TEX14: variants seen among roughly 807,000 people sequenced by gnomAD.
TEX14 encodes the protein testis expressed 14, intercellular bridge forming factor.
Under a neutral mutation model 178.6 loss-of-function variants are expected in TEX14, and 168 were observed. That is an observed-to-expected ratio of 0.94 (90% CI 0.83 to 1.07). The LOEUF (loss-of-function observed/expected upper bound fraction) is 1.07. Among genes scored for constraint, TEX14 ranks in the 50% least tolerant of loss-of-function variants. The pLI is 0.00. For missense variants in TEX14, 1,730 were observed against 1,753.6 expected (o/e 0.99, Z 0.24); for synonymous variants, 626 against 634.1 (o/e 0.99, Z 0.19).
At chr17:58,587,833 G>A (rs905430267) in intron 16 of TEX14, 63 bp downstream of exon 16, 1 of 1,377,012 alleles carries the variant, frequency 7.3e-7, no homozygotes, top group African/African-American at 1.4e-5. Context: ...CACCAGCAGA[G>A]GGTGCCAGAA....
intron 1 of TEX14, among the ~76,000 whole-genome samples, chr17:58,653,480 G>T (rs1166186165): frequency 6.6e-6 from 1 of 152,174 alleles, no homozygotes; most frequent in Admixed American, 6.6e-5. Context: ...CAATATGGAG[G>T]TGTTGGGAGG....
intron 1 of TEX14, among the ~76,000 whole-genome samples, chr17:58,655,480 C>T (rs192641881): frequency 6.6e-6 from 1 of 152,230 alleles, no homozygotes; most frequent in Admixed American, 6.5e-5. Context: ...CCGCACCCGG[C>T]GACTAATGTT....
chr17:58,662,230 TAGG>T (rs1219867630), intron 1 of TEX14, among the ~76,000 whole-genome samples: 1 of 151,376 alleles, frequency 6.6e-6, no homozygotes, highest in Non-Finnish European at 1.5e-5. Context: ...GTGGGCGGAC[TAGG>T]AGGTCAGGAG....
intron 1 of TEX14, among the ~76,000 whole-genome samples, chr17:58,679,132 C>G (rs929895992): frequency 9.9e-5 from 15 of 151,864 alleles, no homozygotes; most frequent in African/African-American, 3.6e-4. Flanking sequence ...CCAGCCTGGG[C>G]TACAAGAGCG....
chr17:58,628,526 C>T (rs1478778850), intron 3 of TEX14, among the ~76,000 whole-genome samples: 1 of 152,132 alleles, frequency 6.6e-6, no homozygotes, highest in African/African-American at 2.4e-5. Flanking sequence ...TCCTAGCTAA[C>T]ACGGTGAAAC....
chr17:58,643,377 T>G (rs550707039), intron 2 of TEX14, among the ~76,000 whole-genome samples: 35 of 152,164 alleles, frequency 2.3e-4, no homozygotes, highest in Non-Finnish European at 4.9e-4. Context: ...CACAGATATC[T>G]CAAATACAGC....
chr17:58,605,068 A>AG lies in TEX14; in HGVS notation c.1245dup (p.Trp416LeufsTer32), dbSNP rs769101900. The AG allele has an allele frequency of 6.2e-7, 1 of 1,614,180 alleles. No individual in the cohort carries two copies. Among genetic ancestry groups the AG allele is most frequent in the Admixed American group, 1.7e-5 (1 of 60,018 alleles). On this transcript the variant is annotated frameshift_variant, in exon 11 of 32. Transcript: ENST00000349033. LOFTEE classifies it high-confidence loss of function. ...TGTAAGATCACTTCTGGTGCGGCCC[A>AG]GTTGTATAGCTGCGTAGGAAGGGGC...
intron 27 of TEX14, 82 bp downstream of exon 27, chr17:58,565,665 C>A: frequency 1.0e-6 from 1 of 992,104 alleles, no homozygotes; most frequent in South Asian, 1.5e-5. Context: ...ACCTCAAGGT[C>A]ACACTTCCCT....
intron 13 of TEX14, 38 bp downstream of exon 13, chr17:58,601,768 T>C (rs774892152): frequency 1.1e-5 from 17 of 1,594,592 alleles, no homozygotes; most frequent in Non-Finnish European, 1.7e-6. Context: ...AGAACACATT[T>C]GTGTCAAACT....
At chr17:58,592,296 C>G (rs1022730169) in intron 15 of TEX14, among the ~76,000 whole-genome samples, 1 of 150,606 alleles carries the variant, frequency 6.6e-6, no homozygotes, top group Non-Finnish European at 1.5e-5. Flanking sequence ...GTGGTGCCAT[C>G]TCAGCTCACT....
At chr17:58,564,378 T>C (rs1181791309) in intron 28 of TEX14, 1 of 152,286 alleles carries the variant, frequency 6.6e-6, no homozygotes, top group Non-Finnish European at 1.5e-5. Flanking sequence ...CAGATGAACT[T>C]TGAGGACATT....
chr17:58,667,365 T>G (rs540989731), intron 1 of TEX14, among the ~76,000 whole-genome samples: 1 of 152,332 alleles, frequency 6.6e-6, no homozygotes, highest in Non-Finnish European at 1.5e-5. Context: ...GGAGGAGTTT[T>G]TGTGAAGACT....
chr17:58,628,429 T>C (rs189034065), intron 3 of TEX14, among the ~76,000 whole-genome samples: 98 of 150,524 alleles, frequency 6.5e-4, no homozygotes, highest in African/African-American at 2.3e-3. Flanking sequence ...ATACAAAAAT[T>C]AGGCCGGGCG....
chr17:58,569,041 AAATTTTGGAAAACTGCC>A lies in TEX14; in HGVS notation c.3886+134_3886+150del. Reference sequence around the variant, plus strand: ...TTTTATTGCAAAACTGCCCCTTCCTAAATTTTGGAAAACTGCCCCTTCCTATATTCAACCAGGCCATC... The same window carrying A: ...TTTTATTGCAAAACTGCCCCTTCCTACCTTCCTATATTCAACCAGGCCATC... On this transcript the variant is annotated intron_variant, in intron 26 of 31. Coordinates refer to ENST00000349033, the MANE Select transcript of TEX14 (RefSeq NM_031272.5). The surrounding 1 kb of genome is among the most constrained non-coding windows in gnomAD (Gnocchi z 4.1). 5.5e-6 allele frequency: 3 copies of A among 540,644 alleles called. No homozygotes were observed. The highest frequency in any genetic ancestry group is 3.6e-5 in the South Asian group (1 of 27,894). 33.5% of individuals were successfully genotyped at this position (540,644 alleles called of 1,614,324 possible). A position where few individuals can be genotyped will look rare whatever the true frequency, so the allele number is the denominator to read the frequency against.
chr17:58,581,827 C>G, intron 19 of TEX14: 1 of 1,363,506 alleles, frequency 7.3e-7, no homozygotes, highest in Non-Finnish European at 1.0e-6. Flanking sequence ...TTATCTAACA[C>G]TACCCAGCAG....
At position 58,599,129 on chromosome 17, in the gene TEX14, G is replaced by A. The variant is rs2045364679; in HGVS notation, c.2216C>T (p.Thr739Ile). The A allele has an allele frequency of 6.2e-7, 1 of 1,613,806 alleles. No homozygotes were observed. The highest frequency in any genetic ancestry group is 8.5e-7 in the Non-Finnish European group (1 of 1,180,002). The change falls in exon 14 of 32, where the codon ACA (threonine) becomes ATA (isoleucine). Residue 739 changes from threonine (T) to isoleucine (I), a missense_variant. Thr to Ile is a moderately conservative substitution (Grantham distance 89). Around this residue, in one of 2 missense-constraint regions of TEX14, gnomAD observed 941 missense variants for 1,072.4 expected, o/e 0.88. Coordinates refer to ENST00000349033, the MANE Select transcript of TEX14 (RefSeq NM_031272.5). The part of the protein sequence containing the change: ...KCVLDLKIMQ[T>I]IMHENDDRLR... Reference sequence around the variant, plus strand: ...CCTATCATCATTCTCGTGCATTATTGTCTGCATAATCTTTAGATCCAGCAC... The same window carrying A: ...CCTATCATCATTCTCGTGCATTATTATCTGCATAATCTTTAGATCCAGCAC...
At chr17:58,581,141 T>C (rs1329984919) in intron 19 of TEX14, among the ~76,000 whole-genome samples, 1 of 151,876 alleles carries the variant, frequency 6.6e-6, no homozygotes, top group Non-Finnish European at 1.5e-5. Context: ...TGAAACCCCA[T>C]CTCTACTAAA....
chr17:58,610,713 G>A (rs1188852023), intron 10 of TEX14, among the ~76,000 whole-genome samples: 1 of 151,970 alleles, frequency 6.6e-6, no homozygotes, highest in Non-Finnish European at 1.5e-5. Context: ...TGGTGAAACT[G>A]CATCTCTACT....
At chr17:58,684,278 A>T (rs934882830) in intron 1 of TEX14, among the ~76,000 whole-genome samples, 3 of 151,852 alleles carry the variant, frequency 2.0e-5, no homozygotes, top group Non-Finnish European at 4.4e-5. Context: ...CCTGACCAAT[A>T]TGATGAAACC....
Sources: gnomAD v4.1 joint callset for allele counts (sites outside exome capture counted in the v4.1 genomes callset) on GRCh38, gnomAD v4.1.1 for gene constraint, gnomAD v4.1.1 regional missense constraint, Gnocchi (gnomAD v3.1) non-coding constraint, MANE v1.5 for transcripts, NCBI Gene and HGNC (gene_info 2026-07-23, HGNC 2026-07-21) for gene names.